Variants in CCDC30 observed in about 807,000 individuals in gnomAD.
CCDC30 encodes the protein coiled-coil domain-containing protein 30.
In CCDC30, 70 loss-of-function variants were observed where a neutral mutation model predicts 100.2. The ratio of observed to expected loss-of-function variants is 0.70; its 90% CI spans 0.58 to 0.85. CCDC30 has a LOEUF of 0.85. CCDC30 is among the 40% of genes least tolerant of loss of function. The pLI, the probability that CCDC30 is intolerant of heterozygous loss-of-function variation, is 0.00. For missense variants in CCDC30, 652 were observed against 771.2 expected (o/e 0.85, Z 1.83); for synonymous variants, 233 against 269.5 (o/e 0.86, Z 1.33).
At chr1:42,476,193 T>G (rs1326871355) in intron 1 of CCDC30, among the ~76,000 whole-genome samples, 1 of 152,214 alleles carries the variant, frequency 6.6e-6, no homozygotes, top group Non-Finnish European at 1.5e-5. Context: ...AGGGCATCTT[T>G]GAACATGGGA....
intron 13 of CCDC30, 70 bp downstream of exon 17, chr1:42,642,679 T>C (rs1196918163): frequency 4.5e-6 from 6 of 1,338,224 alleles, no homozygotes; most frequent in Non-Finnish European, 5.9e-6. Context: ...AAAGAGATGG[T>C]TCTAGAGACT....
intron 6 of CCDC30, among the ~76,000 whole-genome samples, chr1:42,550,815 G>A (rs944669633): frequency 4.6e-5 from 7 of 152,174 alleles, no homozygotes; most frequent in African/African-American, 1.7e-4. Flanking sequence ...TCCTTAGTAT[G>A]TGGAGTAGTG....
chr1:42,501,740 G>A (rs573744752), intron 6 of CCDC30, among the ~76,000 whole-genome samples: 6 of 152,288 alleles, frequency 3.9e-5, no homozygotes, highest in Admixed American at 2.6e-4. Context: ...TGTTTGTCTG[G>A]GTATCACCAG....
At chr1:42,629,280 G>T (rs1398896947) in intron 11 of CCDC30, among the ~76,000 whole-genome samples, 1 of 152,136 alleles carries the variant, frequency 6.6e-6, no homozygotes. Flanking sequence ...ATGCTTGAAG[G>T]ATATTTTCAC....
rs112360729 is a variant in CCDC30, at chr1:42,597,822, G to A, written c.1164+8339G>A. The stretch of plus-strand genomic sequence containing the variant: ...CTAGGCGGCAGTGAGTTGTGATCAT[G>A]CCACTGCATTCCAGCCTAGGGGACA... On this transcript the variant is annotated intron_variant, in intron 10 of 16. Coordinates refer to ENST00000668663, the Ensembl canonical transcript of CCDC30. Among the ~76,000 whole-genome samples the A allele has an allele frequency of 6.3e-3, 931 of 147,134 alleles. 6 individuals are homozygous for A. The highest frequency in any genetic ancestry group is 0.022 in the African/African-American group (868 of 39,652).
chr1:42,524,957 T>G (rs1644702770), intron 6 of CCDC30, among the ~76,000 whole-genome samples: 1 of 152,230 alleles, frequency 6.6e-6, no homozygotes, highest in African/African-American at 2.4e-5. Flanking sequence ...GAATTTTAAG[T>G]TGACTTTCTT....
chr1:42,625,242 C>T (rs941729892), intron 11 of CCDC30, among the ~76,000 whole-genome samples: 1 of 151,840 alleles, frequency 6.6e-6, no homozygotes. Context: ...CATTTTTTGT[C>T]CCTGATTTTA....
At chr1:42,551,464 A>T (rs921863173) in intron 6 of CCDC30, among the ~76,000 whole-genome samples, 2 of 152,094 alleles carry the variant, frequency 1.3e-5, no homozygotes, top group Admixed American at 6.6e-5. Context: ...TAAGAACTAC[A>T]ACAGGAGGAA....
At chr1:42,542,293 G>T (rs368414449) in intron 6 of CCDC30, among the ~76,000 whole-genome samples, 1 of 152,132 alleles carries the variant, frequency 6.6e-6, no homozygotes, top group Non-Finnish European at 1.5e-5. Context: ...AATGCTTTGT[G>T]TTAGTGTCAC....
Position 42,524,153 on chromosome 1 carries a change from AT to A in CCDC30, c.456+25246del, listed in dbSNP as rs939010574. ...GGGCCACACCTTCATGTTTCTTTGT[AT>A]TTTTTTTTCTTAAAAATTGAACATC... On this transcript the variant is annotated intron_variant, in intron 6 of 16. Transcript: ENST00000668663. Among the ~76,000 whole-genome samples the A allele has an allele frequency of 6.4e-4, 91 of 143,098 alleles. 1 individual carries two copies. The highest frequency in any genetic ancestry group is 2.0e-3 in the African/African-American group (79 of 38,834). 93.9% of individuals were successfully genotyped at this position (143,098 alleles called of 152,430 possible). A position where few individuals can be genotyped will look rare whatever the true frequency, so the allele number is the denominator to read the frequency against.
Position 42,577,033 on chromosome 1 carries a change from TAAAGC to T in CCDC30, c.652_656del (p.Lys218CysfsTer35). 1.2e-6 allele frequency: 2 copies of T among 1,612,728 alleles called. No individual in the cohort carries two copies. The highest frequency in any genetic ancestry group is 1.7e-6 in the Non-Finnish European group (2 of 1,178,904). ...CTCTACCTCTAGATAAAGATTGAAC[TAAAGC>T]ATGCCCAACAGAAGTTATTAGACAG... On this transcript the variant is annotated frameshift_variant, in exon 8 of 17. Transcript: ENST00000668663. LOFTEE classifies it high-confidence loss of function.
intron 10 of CCDC30, chr1:42,590,223 C>T (rs6661470): frequency 0.4 from 60,652 of 152,036 alleles, 12,577 homozygotes; most frequent in Non-Finnish European, 0.45. Flanking sequence ...GACCAGATGC[C>T]GATACCATGC....
intron 11 of CCDC30, among the ~76,000 whole-genome samples, chr1:42,634,797 C>T (rs1255302258): frequency 6.6e-6 from 1 of 152,142 alleles, no homozygotes; most frequent in Non-Finnish European, 1.5e-5. Flanking sequence ...AACATTAGAA[C>T]ATTTTATCAA....
intron 11 of CCDC30, among the ~76,000 whole-genome samples, chr1:42,618,571 C>A (rs1646771452): frequency 6.6e-6 from 1 of 152,098 alleles, no homozygotes; most frequent in African/African-American, 2.4e-5. Context: ...ACGTTCCTAG[C>A]AGAAAGGAGA....
In CCDC30 at chr1:42,580,957, G is replaced by A; in HGVS notation, c.847-403G>A. 1.1e-5 allele frequency: 5 copies of A among 438,842 alleles called. 1 individual carries two copies. Among genetic ancestry groups the A allele is most frequent in the South Asian group, 6.5e-5 (4 of 61,306 alleles). 27.2% of individuals were successfully genotyped at this position (438,842 alleles called of 1,614,324 possible). On this transcript the variant is annotated intron_variant, in intron 8 of 16. Transcript: ENST00000668663. ...TATCTATCAAACAAACAAATACTCA[G>A]CTTCCTGAGTAGCTGGGACTACAGG...
At chr1:42,544,434 C>T (rs901360603) in intron 6 of CCDC30, among the ~76,000 whole-genome samples, 14 of 152,182 alleles carry the variant, frequency 9.2e-5, no homozygotes, top group Non-Finnish European at 1.6e-4. Flanking sequence ...TTTCCATTTC[C>T]GCCCCCAGAC....
chr1:42,636,609 T>C (rs1358572331), intron 11 of CCDC30, among the ~76,000 whole-genome samples: 1 of 151,910 alleles, frequency 6.6e-6, no homozygotes. Context: ...TATACCACAA[T>C]AAAAAAATCA....
chr1:42,506,534 G>T (rs1644397889), intron 6 of CCDC30, among the ~76,000 whole-genome samples: 2 of 152,092 alleles, frequency 1.3e-5, no homozygotes, highest in African/African-American at 4.8e-5. Flanking sequence ...ATAGACATTA[G>T]AATTTTAGAA....
At chr1:42,565,349 C>A (rs1645582885) in intron 6 of CCDC30, among the ~76,000 whole-genome samples, 2 of 152,010 alleles carry the variant, frequency 1.3e-5, no homozygotes, top group Admixed American at 6.6e-5. Context: ...AGCAAGAAAA[C>A]AAATAATCCA....
Sources: allele counts gnomAD v4.1 joint callset (sites outside exome capture counted in the v4.1 genomes callset), GRCh38; gene constraint gnomAD v4.1.1; transcripts MANE v1.5; gene names NCBI Gene and HGNC (gene_info 2026-07-23, HGNC 2026-07-21).